DAB1: variants seen among roughly 807,000 people sequenced by gnomAD.
DAB1 encodes the protein disabled homolog 1.
DAB1 carries 15 observed loss-of-function variants against 64.6 expected under a neutral mutation model. The ratio of observed to expected loss-of-function variants is 0.23; its 90% CI spans 0.16 to 0.36. The LOEUF is 0.36. Among genes scored for constraint, DAB1 ranks in the 10% least tolerant of loss-of-function variants. DAB1 has a pLI of 1.00. For missense variants in DAB1, 596 were observed against 706.7 expected (o/e 0.84, Z 1.78); for synonymous variants, 235 against 251.9 (o/e 0.93, Z 0.64).
At chr1:57,015,835 C>G (rs1281598284) in intron 11 of DAB1, among the ~76,000 whole-genome samples, 1 of 152,208 alleles carries the variant, frequency 6.6e-6, no homozygotes. Flanking sequence ...CATAAGCTCT[C>G]TAAGAGTCTG....
chr1:58,162,268 T>A (rs1655580002), intron 4 of DAB1, among the ~76,000 whole-genome samples: 1 of 152,218 alleles, frequency 6.6e-6, no homozygotes, highest in Non-Finnish European at 1.5e-5. Context: ...CACCCAGGTA[T>A]ATGAATTCAG....
intron 7 of DAB1, among the ~76,000 whole-genome samples, chr1:57,572,955 A>G (rs781425309): frequency 6.6e-6 from 1 of 152,210 alleles, no homozygotes; most frequent in South Asian, 2.1e-4. Context: ...CAAACCATTA[A>G]GGATCCACTC....
At chr1:57,344,322 G>C (rs1046257705) in intron 1 of DAB1, among the ~76,000 whole-genome samples, 1 of 152,142 alleles carries the variant, frequency 6.6e-6, no homozygotes, top group South Asian at 2.1e-4. Flanking sequence ...TCTCTGCCTA[G>C]CTCTTTCTCT....
intron 7 of DAB1, among the ~76,000 whole-genome samples, chr1:57,494,344 C>G (rs1257912262): frequency 6.6e-6 from 1 of 152,018 alleles, no homozygotes; most frequent in Non-Finnish European, 1.5e-5. Flanking sequence ...AAATATTAAG[C>G]CTTTATAACA....
At chr1:57,699,122 G>A (rs1646878947) in intron 6 of DAB1, among the ~76,000 whole-genome samples, 1 of 151,994 alleles carries the variant, frequency 6.6e-6, no homozygotes, top group African/African-American at 2.4e-5. Flanking sequence ...ATTTTTCTTA[G>A]TAGACACGGG....
In DAB1 at chr1:57,708,547, A is replaced by G. The variant is rs1646993235; in HGVS notation, n.552-58882T>C. On this transcript the variant is annotated intron_variant and non_coding_transcript_variant, in intron 6 of 20. Transcript: ENST00000485760. The stretch of plus-strand genomic sequence containing the variant: ...CTGTGGTCCTTGTGGCATGACTGCT[A>G]CTCAAATTTATTCTGGGTCCCAGGC... 2.6e-5 allele frequency among the ~76,000 whole-genome samples: 4 copies of G among 152,250 alleles called. No homozygotes were observed. The South Asian group carries it at 8.3e-4, about 32-fold the overall frequency.
At chr1:58,459,155 C>T (rs368746891) in intron 3 of DAB1, among the ~76,000 whole-genome samples, 40 of 152,252 alleles carry the variant, frequency 2.6e-4, no homozygotes, top group Middle Eastern at 6.8e-3. Context: ...AAATTAAAAC[C>T]GCCAAAGAAC....
At chr1:57,928,987 C>T (rs908924667) in intron 5 of DAB1, among the ~76,000 whole-genome samples, 3 of 152,156 alleles carry the variant, frequency 2.0e-5, no homozygotes, top group African/African-American at 7.2e-5. Context: ...ATGCTAAGAG[C>T]ATGTTTAGTT....
chr1:57,275,269 A>G (rs1245814364), intron 2 of DAB1, among the ~76,000 whole-genome samples: 1 of 152,190 alleles, frequency 6.6e-6, no homozygotes, highest in Non-Finnish European at 1.5e-5. Context: ...ACACTGTCTG[A>G]CTTTTTGATT....
At chr1:57,457,511 C>CT (rs1686642133) in intron 7 of DAB1, among the ~76,000 whole-genome samples, 1 of 152,118 alleles carries the variant, frequency 6.6e-6, no homozygotes, top group Non-Finnish European at 1.5e-5. Flanking sequence ...TTATCTGCTG[C>CT]TAGATCTCTA....
chr1:57,496,857 C>T (rs372406918), intron 7 of DAB1, among the ~76,000 whole-genome samples: 2 of 152,162 alleles, frequency 1.3e-5, no homozygotes, highest in Non-Finnish European at 1.5e-5. Context: ...TTGAAAAAAA[C>T]ATGTTTCAGT....
intron 4 of DAB1, among the ~76,000 whole-genome samples, chr1:58,258,256 A>C (rs1433399998): frequency 6.6e-6 from 1 of 152,184 alleles, no homozygotes; most frequent in Non-Finnish European, 1.5e-5. Context: ...CGCCGGGGGC[A>C]CCAAGGACCC....
intron 1 of DAB1, among the ~76,000 whole-genome samples, chr1:57,857,889 T>C (rs1653829757): frequency 1.3e-5 from 2 of 148,310 alleles, no homozygotes. Flanking sequence ...AAAAAAGACC[T>C]TAGAAGTAAT....
intron 1 of DAB1, among the ~76,000 whole-genome samples, chr1:57,341,771 C>T (rs1370663759): frequency 6.6e-6 from 1 of 152,168 alleles, no homozygotes; most frequent in East Asian, 1.9e-4. Flanking sequence ...TTATTACCAA[C>T]AGTTCACTAA....
chr1:58,528,632 T>A (rs1038176775), intron 1 of DAB1, among the ~76,000 whole-genome samples: 1 of 152,088 alleles, frequency 6.6e-6, no homozygotes, highest in African/African-American at 2.4e-5. Context: ...ACAGGACAAC[T>A]CCCCCACAAC....
chr1:57,672,326 T>G (rs1166357543), intron 6 of DAB1, among the ~76,000 whole-genome samples: 2 of 152,208 alleles, frequency 1.3e-5, no homozygotes, highest in African/African-American at 2.4e-5. Context: ...AAGAATGGTA[T>G]GTAGTTAATA....
At chr1:57,692,649 T>C (rs974901354) in intron 6 of DAB1, among the ~76,000 whole-genome samples, 17 of 152,190 alleles carry the variant, frequency 1.1e-4, no homozygotes, top group Non-Finnish European at 2.4e-4. Context: ...ATTCTTCTTA[T>C]GTTGAACTTT....
intron 4 of DAB1, among the ~76,000 whole-genome samples, chr1:58,239,872 G>T (rs947953857): frequency 6.6e-6 from 1 of 152,170 alleles, no homozygotes; most frequent in African/African-American, 2.4e-5. Context: ...AATCAGCCAA[G>T]AAGACCAAAG....
chr1:57,432,821 A>T (rs866812941), intron 7 of DAB1, among the ~76,000 whole-genome samples: 1 of 152,232 alleles, frequency 6.6e-6, no homozygotes, highest in Admixed American at 6.5e-5. Context: ...TAATATGTAA[A>T]GCACTCTAGA....
Sources: gnomAD v4.1 joint callset for allele counts (sites outside exome capture counted in the v4.1 genomes callset) on GRCh38, gnomAD v4.1.1 for gene constraint, MANE v1.5 for transcripts, NCBI Gene and HGNC (gene_info 2026-07-23, HGNC 2026-07-21) for gene names.